The following SLC24A4 variants were observed in gnomAD, a reference collection of about 807,000 sequenced individuals.
SLC24A4 encodes the protein solute carrier family 24 member 4.
SLC24A4 carries 53 observed loss-of-function variants against 79.0 expected under a neutral mutation model. The observed-to-expected ratio is 0.67, with a 90% CI of 0.54 to 0.84. SLC24A4 has a LOEUF of 0.84. Ranked by LOEUF, SLC24A4 falls within the 40% of genes least tolerant of loss-of-function variation. SLC24A4 has a pLI of 0.00. For synonymous variants in SLC24A4, 323 were observed against 323.8 expected (o/e 1.00, Z 0.03); for missense variants, 731 against 822.0 (o/e 0.89, Z 1.35).
At chr14:92,478,900 A>G (rs1247004545) in intron 12 of SLC24A4, among the ~76,000 whole-genome samples, 2 of 152,186 alleles carry the variant, frequency 1.3e-5, no homozygotes, top group Non-Finnish European at 2.9e-5. Flanking sequence ...AGTTTTCAGC[A>G]TACAAATTCT....
chr14:92,351,915 G>GAAAGGAAAGGAAAGGGAAGGA (rs1555361031), intron 2 of SLC24A4, among the ~76,000 whole-genome samples: 1 of 140,388 alleles, frequency 7.1e-6, no homozygotes, highest in South Asian at 2.3e-4. Flanking sequence ...GGAAGGAAAG[G>GAAAGGAAAGGAAAGGGAAGGA]AAGGAAAGGA....
At chr14:92,380,105 A>T in intron 2 of SLC24A4, among the ~76,000 whole-genome samples, 1 of 152,198 alleles carries the variant, frequency 6.6e-6, no homozygotes, top group Non-Finnish European at 1.5e-5. Flanking sequence ...AGGGCCACAG[A>T]CACTGAAGGC....
intron 2 of SLC24A4, among the ~76,000 whole-genome samples, chr14:92,370,861 T>C (rs1259356642): frequency 6.6e-6 from 1 of 152,126 alleles, no homozygotes; most frequent in Non-Finnish European, 1.5e-5. Context: ...AGAGGTCACA[T>C]ACAAAGGATC....
intron 12 of SLC24A4, among the ~76,000 whole-genome samples, chr14:92,464,891 G>A (rs1894018170): frequency 6.6e-6 from 1 of 152,230 alleles, no homozygotes; most frequent in Non-Finnish European, 1.5e-5. Flanking sequence ...GCAGCTTTTA[G>A]AGCATCCTGG....
At chr14:92,484,823 C>T (rs1442388414) in intron 13 of SLC24A4, 3 of 985,272 alleles carry the variant, frequency 3.0e-6, no homozygotes, top group African/African-American at 1.7e-5. Flanking sequence ...CTTATTGAAA[C>T]CAACAGCCAA....
At position 92,347,894 on chromosome 14, in the gene SLC24A4, C is replaced by A. The variant is rs146912332; in HGVS notation, c.241+21916C>A. Among the ~76,000 whole-genome samples, 37 of 152,276 alleles carry A rather than the reference C, an allele frequency of 2.4e-4. No individual in the cohort carries two copies. In the East Asian group the frequency reaches 7.1e-3, roughly 29 times the overall value. ...TGAGCCAAGATCATGCCACTGCACT[C>A]CAGCCTGGGTGACAGAGCGAGACTC... is the stretch of plus-strand genomic sequence containing the variant. On this transcript the variant is annotated intron_variant, in intron 2 of 16. Coordinates refer to ENST00000532405, the MANE Select transcript of SLC24A4 (RefSeq NM_153646.4).
At chr14:92,342,652 G>A (rs190659887) in intron 2 of SLC24A4, among the ~76,000 whole-genome samples, 54 of 152,300 alleles carry the variant, frequency 3.5e-4, no homozygotes, top group Admixed American at 3.1e-3. Context: ...CAAGTGCTGA[G>A]ATTACAGGCG....
chr14:92,376,747 T>C (rs1024906976), intron 2 of SLC24A4, among the ~76,000 whole-genome samples: 3 of 152,168 alleles, frequency 2.0e-5, no homozygotes, highest in Admixed American at 1.3e-4. Context: ...GGAATCAAAC[T>C]CCAAGGCAGT....
In SLC24A4 at chr14:92,323,799, C is replaced by CA; in HGVS notation, c.-32_-31insA. On this transcript the variant is annotated 5_prime_UTR_variant, in exon 1 of 17. Coordinates refer to ENST00000532405, the MANE Select transcript of SLC24A4 (RefSeq NM_153646.4). This position sits in a 1 kb window ranked among gnomAD's most constrained non-coding sequence, Gnocchi z 4.9. ...ACTCTGGCCGCTGAAGCTCCCCATCCTCTCCCAGAGACGGCACCCAGGCGC... is the reference window on the plus strand; with the variant it reads ...ACTCTGGCCGCTGAAGCTCCCCATCCATCTCCCAGAGACGGCACCCAGGCGC... The CA allele has an allele frequency of 1.3e-5, 20 of 1,541,474 alleles. No homozygotes were observed. The highest frequency in any genetic ancestry group is 1.7e-5 in the Non-Finnish European group (20 of 1,150,050).
At chr14:92,449,311 CACACACACA>C (rs776276430) in intron 10 of SLC24A4, 95 bp downstream of exon 10, 2 of 1,323,712 alleles carry the variant, frequency 1.5e-6, no homozygotes, top group Non-Finnish European at 2.1e-6. Context: ...CACACACACA[CACACACACA>C]CACCCTCTCA....
At chr14:92,363,452 A>G (rs1887647008) in intron 2 of SLC24A4, among the ~76,000 whole-genome samples, 1 of 152,196 alleles carries the variant, frequency 6.6e-6, no homozygotes, top group Admixed American at 6.5e-5. Flanking sequence ...TGACGATTTC[A>G]CACCATGTTA....
intron 10 of SLC24A4, among the ~76,000 whole-genome samples, chr14:92,449,919 A>G (rs1893039975): frequency 6.6e-6 from 1 of 152,208 alleles, no homozygotes; most frequent in Admixed American, 6.5e-5. Flanking sequence ...TCTGGGCCTG[A>G]CCGATGGCTT....
At chr14:92,345,534 C>T (rs1433866260) in intron 2 of SLC24A4, among the ~76,000 whole-genome samples, 2 of 152,088 alleles carry the variant, frequency 1.3e-5, no homozygotes, top group South Asian at 2.1e-4. Context: ...AACTATATGT[C>T]TACTAAAAAT....
At chr14:92,473,727 A>C (rs1178519943) in intron 12 of SLC24A4, among the ~76,000 whole-genome samples, 1 of 152,004 alleles carries the variant, frequency 6.6e-6, no homozygotes, top group Non-Finnish European at 1.5e-5. Flanking sequence ...TCATCTCCTG[A>C]CCTTCAGACC....
chr14:92,494,903 A>G lies in SLC24A4; in HGVS notation c.*1275A>G, dbSNP rs191128092. The G allele has an allele frequency of 1.3e-5, 2 of 152,810 alleles. No individual in the cohort carries two copies. Among genetic ancestry groups the G allele is most frequent in the South Asian group, 2.1e-4 (1 of 4,830 alleles). The allele number at this position is 152,810 out of a possible 1,614,324, so 9.5% of individuals were successfully genotyped here. ...CGACCACTTGATAGCTCTCAAATAT[A>G]TATTTAAAAGATTTATGAATACAAA... On this transcript the variant is annotated 3_prime_UTR_variant, in exon 17 of 17. Transcript: ENST00000532405. This position sits in a 1 kb window ranked among gnomAD's most constrained non-coding sequence, Gnocchi z 4.6.
intron 3 of SLC24A4, among the ~76,000 whole-genome samples, chr14:92,435,078 T>TA (rs1892092746): frequency 6.6e-6 from 1 of 152,200 alleles, no homozygotes; most frequent in South Asian, 2.1e-4. Flanking sequence ...CCGGCCCACT[T>TA]AAAGTATTTT....
intron 2 of SLC24A4, among the ~76,000 whole-genome samples, chr14:92,381,156 C>T (rs1033986692): frequency 3.9e-5 from 6 of 152,128 alleles, no homozygotes; most frequent in African/African-American, 1.2e-4. Flanking sequence ...GCACTATTTA[C>T]AATAGCAAAG....
At chr14:92,339,165 C>T (rs908364569) in intron 2 of SLC24A4, among the ~76,000 whole-genome samples, 12 of 152,188 alleles carry the variant, frequency 7.9e-5, no homozygotes, top group African/African-American at 2.7e-4. Context: ...GATGCGGACC[C>T]GGCCTCCGGG....
At chr14:92,427,467 T>C (rs2139773631) in intron 2 of SLC24A4, among the ~76,000 whole-genome samples, 1 of 152,332 alleles carries the variant, frequency 6.6e-6, no homozygotes, top group Non-Finnish European at 1.5e-5. Context: ...TAAGTGTTTG[T>C]TGAAAAGCTT....
Sources: gnomAD v4.1 joint callset for allele counts (sites outside exome capture counted in the v4.1 genomes callset) on GRCh38, gnomAD v4.1.1 for gene constraint, Gnocchi (gnomAD v3.1) non-coding constraint, MANE v1.5 for transcripts, NCBI Gene and HGNC (gene_info 2026-07-23, HGNC 2026-07-21) for gene names.